Variants in SYNPO2 observed in about 807,000 individuals in gnomAD.
SYNPO2 encodes the protein synaptopodin 2, also known as synaptopodin-2.
SYNPO2 carries 56 observed loss-of-function variants against 85.0 expected under a neutral mutation model. The observed-to-expected ratio is 0.66, with a 90% CI of 0.53 to 0.82. SYNPO2 has a LOEUF of 0.82. Among genes scored for constraint, SYNPO2 ranks in the 40% least tolerant of loss-of-function variants. SYNPO2 has a pLI of 0.00. For synonymous variants in SYNPO2, 602 were observed against 591.1 expected, an observed-to-expected ratio of 1.02 and a Z score of -0.27; for missense variants, 1,575 against 1,534.2, an observed-to-expected ratio of 1.03 and a Z score of -0.44.
At position 119,059,010 on chromosome 4, in the gene SYNPO2, C is replaced by T. The variant is rs1739316639; in HGVS notation, c.*1076C>T. On this transcript the variant is annotated 3_prime_UTR_variant, in exon 5 of 5. Coordinates refer to ENST00000307142, the MANE Select transcript of SYNPO2 (RefSeq NM_133477.3). ...CTGTCAAATGAGAAGATTGGATTATCTAATCTTTTAGATCCTTAACAACTC... is the reference window on the plus strand; with the variant it reads ...CTGTCAAATGAGAAGATTGGATTATTTAATCTTTTAGATCCTTAACAACTC... The T allele has an allele frequency of 6.6e-6, 1 of 152,178 alleles. No individual in the cohort carries two copies. Among genetic ancestry groups the T allele is most frequent in the Non-Finnish European group, 1.5e-5 (1 of 68,026 alleles). The allele number at this position is 152,178 out of a possible 1,614,324, so 9.4% of individuals were successfully genotyped here. A position where few individuals can be genotyped will look rare whatever the true frequency, so the allele number is the denominator to read the frequency against.
At chr4:118,858,232 C>A (rs1327014989) in intron 1 of SYNPO2, among the ~76,000 whole-genome samples, 1 of 151,610 alleles carries the variant, frequency 6.6e-6, no homozygotes, top group Non-Finnish European at 1.5e-5. Context: ...GGTCTCTCCA[C>A]CTCCCCACTT....
chr4:118,955,616 G>A (rs1371650825), intron 1 of SYNPO2, among the ~76,000 whole-genome samples: 1 of 152,168 alleles, frequency 6.6e-6, no homozygotes, highest in African/African-American at 2.4e-5. Flanking sequence ...GGTTTGAGCC[G>A]AAATATACAA....
intron 1 of SYNPO2, among the ~76,000 whole-genome samples, chr4:119,018,938 A>T (rs1469949957): frequency 6.6e-6 from 1 of 152,202 alleles, no homozygotes; most frequent in East Asian, 1.9e-4. Context: ...TTATGTATCC[A>T]TAATAATTTT....
At chr4:118,938,045 G>A (rs1288039877) in intron 1 of SYNPO2, among the ~76,000 whole-genome samples, 1 of 152,170 alleles carries the variant, frequency 6.6e-6, no homozygotes, top group Non-Finnish European at 1.5e-5. Context: ...GCTCACACCT[G>A]TAATCCTAGC....
intron 1 of SYNPO2, among the ~76,000 whole-genome samples, chr4:118,993,778 T>G (rs1164632632): frequency 1.3e-5 from 2 of 152,284 alleles, no homozygotes; most frequent in Non-Finnish European, 2.9e-5. Context: ...ACTTTGTATT[T>G]GAAATATTTT....
At position 118,977,245 on chromosome 4, in the gene SYNPO2, C is replaced by T. The variant is rs892867974; in HGVS notation, c.106-46185C>T. 3.9e-5 allele frequency among the ~76,000 whole-genome samples: 6 copies of T among 152,226 alleles called. No individual in the cohort carries two copies. The East Asian group carries it at 7.7e-4, about 20-fold the overall frequency. On this transcript the variant is annotated intron_variant, in intron 1 of 4. Transcript: ENST00000307142. Reference sequence around the variant, plus strand: ...AGAAATCGAGCGCAGCGCCGGTGGGCCAGCACTGCTGGGGGACTCAGTACA... The same window carrying T: ...AGAAATCGAGCGCAGCGCCGGTGGGTCAGCACTGCTGGGGGACTCAGTACA...
intron 1 of SYNPO2, among the ~76,000 whole-genome samples, chr4:118,964,297 A>AACACACACAC (rs10523074): frequency 3.1e-4 from 43 of 140,716 alleles, no homozygotes; most frequent in South Asian, 2.1e-3. Flanking sequence ...AAACACACAC[A>AACACACACAC]ACACACACAC....
At chr4:118,960,495 G>A (rs940440308) in intron 1 of SYNPO2, among the ~76,000 whole-genome samples, 1 of 152,008 alleles carries the variant, frequency 6.6e-6, no homozygotes, top group African/African-American at 2.4e-5. Context: ...GTTTCCTGTG[G>A]CAGGAAACTA....
chr4:118,931,650 A>G (rs1733936869), intron 1 of SYNPO2, among the ~76,000 whole-genome samples: 2 of 152,272 alleles, frequency 1.3e-5, no homozygotes, highest in South Asian at 2.1e-4. Flanking sequence ...GAGGCATAGA[A>G]AATTATGTAA....
chr4:119,058,032 G>T lies in SYNPO2; in HGVS notation c.*98G>T. ...TTCTAATAGATTTAGATTCACTTTT[G>T]GTCTTGGCTTGTTCTCATAAGTCAT... is the stretch of plus-strand genomic sequence containing the variant. On this transcript the variant is annotated 3_prime_UTR_variant, in exon 5 of 5. Transcript: ENST00000307142. 2 of 1,357,148 alleles carry T rather than the reference G, an allele frequency of 1.5e-6. No homozygotes were observed. Among genetic ancestry groups the T allele is most frequent in the Non-Finnish European group, 9.9e-7 (1 of 1,007,600 alleles). The allele number at this position is 1,357,148 out of a possible 1,614,324, so 84.1% of individuals were successfully genotyped here. A position where few individuals can be genotyped will look rare whatever the true frequency, so the allele number is the denominator to read the frequency against.
At chr4:118,995,430 T>C (rs1489097615) in intron 1 of SYNPO2, among the ~76,000 whole-genome samples, 1 of 152,196 alleles carries the variant, frequency 6.6e-6, no homozygotes, top group Non-Finnish European at 1.5e-5. Context: ...ACATTATGTC[T>C]GTTATTCCTC....
At chr4:118,990,206 A>C (rs902609956) in intron 1 of SYNPO2, among the ~76,000 whole-genome samples, 1 of 152,160 alleles carries the variant, frequency 6.6e-6, no homozygotes, top group Non-Finnish European at 1.5e-5. Context: ...TGAAAGAATG[A>C]AGGGAGAAAC....
chr4:119,025,368 G>T (rs1737894928), intron 2 of SYNPO2, among the ~76,000 whole-genome samples: 1 of 152,102 alleles, frequency 6.6e-6, no homozygotes, highest in South Asian at 2.1e-4. Flanking sequence ...CTAACATCAT[G>T]CTTTTTTAAT....
At chr4:118,877,858 T>C (rs1441758402) in intron 1 of SYNPO2, among the ~76,000 whole-genome samples, 1 of 152,224 alleles carries the variant, frequency 6.6e-6, no homozygotes, top group Non-Finnish European at 1.5e-5. Flanking sequence ...TTATTGGGTA[T>C]ATACCCAAAG....
At chr4:118,858,664 TATG>T (rs1386348293) in intron 1 of SYNPO2, among the ~76,000 whole-genome samples, 1 of 152,166 alleles carries the variant, frequency 6.6e-6, no homozygotes, top group Non-Finnish European at 1.5e-5. Flanking sequence ...CAGGTTCCCC[TATG>T]ATATTACCAC....
intron 1 of SYNPO2, among the ~76,000 whole-genome samples, chr4:118,896,308 T>C (rs1203843693): frequency 6.6e-6 from 1 of 152,190 alleles, no homozygotes; most frequent in African/African-American, 2.4e-5. Context: ...TGTAAGATAA[T>C]GTGCAATGGG....
intron 1 of SYNPO2, among the ~76,000 whole-genome samples, chr4:119,014,139 C>T (rs1233708612): frequency 6.6e-6 from 1 of 152,150 alleles, no homozygotes; most frequent in Non-Finnish European, 1.5e-5. Flanking sequence ...AAGAGATTTA[C>T]AGACCAGACA....
intron 1 of SYNPO2, among the ~76,000 whole-genome samples, chr4:118,964,630 A>G (rs1392654814): frequency 6.6e-6 from 1 of 152,096 alleles, no homozygotes; most frequent in Non-Finnish European, 1.5e-5. Context: ...TTCCACCTGT[A>G]TCTCCATCTT....
At chr4:118,971,585 A>G (rs1287199210) in intron 1 of SYNPO2, among the ~76,000 whole-genome samples, 1 of 152,262 alleles carries the variant, frequency 6.6e-6, no homozygotes. Flanking sequence ...TGACTTATTC[A>G]TTCATAGACA....
Sources: allele counts gnomAD v4.1 joint callset (sites outside exome capture counted in the v4.1 genomes callset), GRCh38; gene constraint gnomAD v4.1.1; transcripts MANE v1.5; gene names NCBI Gene and HGNC (gene_info 2026-07-23, HGNC 2026-07-21).